UBR2: variants seen among roughly 807,000 people sequenced by gnomAD.
UBR2 encodes the protein E3 ubiquitin-protein ligase UBR2.
A neutral mutation model predicts 247.9 loss-of-function variants in UBR2; 92 were observed. That is an observed-to-expected ratio of 0.37 (90% CI 0.31 to 0.44). UBR2 has a LOEUF of 0.44. UBR2 is among the 20% of genes least tolerant of loss of function. The probability of loss-of-function intolerance (pLI) is 1.00; values close to 1 mark genes in which losing one functional copy is unlikely to be tolerated. For missense variants in UBR2, 1,613 were observed against 2,112.6 expected (o/e 0.76, Z 4.64); for synonymous variants, 672 against 693.5 (o/e 0.97, Z 0.49).
chr6:42,634,686 C>T (rs1299193021), intron 13 of UBR2, among the ~76,000 whole-genome samples: 2 of 152,200 alleles, frequency 1.3e-5, no homozygotes, highest in Non-Finnish European at 2.9e-5. Flanking sequence ...AATTCCTGAC[C>T]TCAAGTGATC....
At chr6:42,634,631 T>C (rs1470539006) in intron 13 of UBR2, among the ~76,000 whole-genome samples, 1 of 152,166 alleles carries the variant, frequency 6.6e-6, no homozygotes, top group East Asian at 1.9e-4. Flanking sequence ...ATTTTTGTAT[T>C]GTTAGTAGAG....
chr6:42,634,085 A>AT (rs1394755345), intron 13 of UBR2, among the ~76,000 whole-genome samples: 2 of 152,072 alleles, frequency 1.3e-5, no homozygotes, highest in Admixed American at 6.5e-5. Context: ...TTACAAGTTT[A>AT]TTTTTTTAAT....
At position 42,573,855 on chromosome 6, in the gene UBR2, A is replaced by G; in HGVS notation, c.200A>G (p.His67Arg). ...FPQKEDMLAQ[H>R]VLLGPMEWYL... The stretch of plus-strand genomic sequence containing the variant: ...CAGAAAGAAGACATGCTGGCACAGC[A>G]TGTTTTGTTGGGACCAATGGAATGG... The change falls in exon 2 of 47, where the codon CAT (histidine) becomes CGT (arginine). Residue 67 changes from histidine to arginine, a missense_variant. Physicochemically the swap from His to Arg is conservative, Grantham distance 29. This residue lies in a region of UBR2 where 1,524 missense variants were observed against 1,967.3 expected (regional missense o/e 0.77). Transcript: ENST00000372901. 1 of 1,614,152 alleles carries G rather than the reference A, an allele frequency of 6.2e-7. No individual in the cohort carries two copies. The highest frequency in any genetic ancestry group is 1.6e-4 in the Middle Eastern group (1 of 6,062).
At chr6:42,627,603 A>T (rs565319062) in intron 11 of UBR2, among the ~76,000 whole-genome samples, 2 of 148,344 alleles carry the variant, frequency 1.3e-5, no homozygotes, top group East Asian at 3.9e-4. Flanking sequence ...ATTCAAGCCA[A>T]CCTCCTGCCT....
In UBR2 at chr6:42,606,656, GTAATT is replaced by G. The variant is rs750136208; in HGVS notation, c.864+9_864+13del. On this transcript the variant is annotated splice_donor_region_variant and intron_variant, in intron 7 of 46. Transcript: ENST00000372901. ...CAAGCAAAATCAGTAATTGTGGTAA[GTAATT>G]TAAAAACATGCTTATATTATTTTTT... 5.4e-5 allele frequency: 86 copies of G among 1,596,262 alleles called. No individual in the cohort carries two copies. The highest frequency in any genetic ancestry group is 7.1e-5 in the Non-Finnish European group (83 of 1,172,798).
Position 42,641,674 on chromosome 6 carries a change from G to C in UBR2, c.2013G>C (p.Gly671=). 1.2e-6 allele frequency: 2 copies of C among 1,609,562 alleles called. No individual in the cohort carries two copies. The highest frequency in any genetic ancestry group is 2.2e-5 in the South Asian group (2 of 90,360). The part of the protein sequence containing the change: ...QVHAGMWRRN[G]FSLVNQIYYY... ...ATGCCGGAATGTGGAGAAGAAATGG[G>C]TTCTCTCTAGTAAACCAGGTAAGTG... The change falls in exon 17 of 47, where the codon GGG becomes GGC. Residue 671 remains glycine, a synonymous_variant. Transcript: ENST00000372901.
intron 13 of UBR2, 115 bp from the exon 14 acceptor site, chr6:42,635,303 A>T (rs542610022): frequency 1.4e-4 from 156 of 1,076,950 alleles, no homozygotes; most frequent in South Asian, 2.2e-4. Context: ...GTTAAAACTT[A>T]TACCTTCTAT....
At chr6:42,634,305 C>A in intron 13 of UBR2, 1 of 410,582 alleles carries the variant, frequency 2.4e-6, no homozygotes, top group Non-Finnish European at 4.7e-6. Context: ...GTATATTTAA[C>A]CAGTTATAAC....
chr6:42,605,469 G>A (rs2151929050), intron 5 of UBR2, among the ~76,000 whole-genome samples: 1 of 152,310 alleles, frequency 6.6e-6, no homozygotes, highest in Admixed American at 6.5e-5. Flanking sequence ...AGTTCTCTGA[G>A]CTCCCAGGCC....
rs911678900 is a variant in UBR2, at chr6:42,689,153, TC to T, written c.5025-414del. Among the ~76,000 whole-genome samples, 3 of 152,248 alleles carry T rather than the reference TC, an allele frequency of 2.0e-5. No homozygotes were observed. Among genetic ancestry groups the T allele is most frequent in the African/African-American group, 7.2e-5 (3 of 41,550 alleles). On this transcript the variant is annotated intron_variant, in intron 45 of 46. Transcript: ENST00000372901. The surrounding 1 kb of genome is among the most constrained non-coding windows in gnomAD (Gnocchi z 4.0). ...GGAGTGTTGTGCACAGGTGAGAGAA[TC>T]CAGGGGCCTGCTGTGTGCTGGTGAC...
chr6:42,637,287 T>G (rs971548218), intron 15 of UBR2, 93 bp downstream of exon 15: 4 of 1,338,160 alleles, frequency 3.0e-6, no homozygotes, highest in Admixed American at 4.5e-5. Context: ...GTGCCAGATG[T>G]TATTCTGTGA....
chr6:42,564,280 C>G lies in UBR2; in HGVS notation c.-40C>G, dbSNP rs765532357. On this transcript the variant is annotated 5_prime_UTR_variant, in exon 1 of 47. Transcript: ENST00000372901. ...CCGGGGCCGAGGTGAGGCTGCAGCTCTCCGGGCGGCGGTAGCGCTGGGGAG... is the reference window on the plus strand; with the variant it reads ...CCGGGGCCGAGGTGAGGCTGCAGCTGTCCGGGCGGCGGTAGCGCTGGGGAG... The G allele has an allele frequency of 1.3e-6, 2 of 1,589,142 alleles. No homozygotes were observed. Among genetic ancestry groups the G allele is most frequent in the Non-Finnish European group, 1.7e-6 (2 of 1,169,320 alleles).
At chr6:42,576,297 G>C (rs1033107792) in intron 2 of UBR2, among the ~76,000 whole-genome samples, 2 of 152,138 alleles carry the variant, frequency 1.3e-5, no homozygotes, top group African/African-American at 4.8e-5. Flanking sequence ...GATCTCTTCT[G>C]TTCCCATCTA....
At chr6:42,641,742 T>C in intron 17 of UBR2, 50 bp downstream of exon 17, 1 of 1,478,172 alleles carries the variant, frequency 6.8e-7, no homozygotes, top group Admixed American at 1.8e-5. Flanking sequence ...TCTTGGCTTC[T>C]GTGAAGGTTG....
intron 42 of UBR2, 23 bp from the exon 43 acceptor site, chr6:42,683,032 T>C (rs748201751): frequency 6.2e-7 from 1 of 1,607,866 alleles, no homozygotes; most frequent in South Asian, 1.1e-5. Context: ...TTTTGTGTTT[T>C]TCCCCCTCTG....
rs1792831173 is a variant in UBR2 at position 42,594,184 on chromosome 6, T to G, written c.418-7T>G. 6.2e-7 allele frequency: 1 copy of G among 1,606,740 alleles called. No homozygotes were observed. The highest frequency in any genetic ancestry group is 1.3e-5 in the African/African-American group (1 of 74,706). ...ATTGACAAGATACTTTACAATTTTT[T>G]TCCAAGATGACAACATCAGGAGGTG... On this transcript the variant is annotated splice_region_variant and splice_polypyrimidine_tract_variant and intron_variant, in intron 3 of 46. Transcript: ENST00000372901.
At chr6:42,673,213 G>A (rs1005832151) in intron 36 of UBR2, among the ~76,000 whole-genome samples, 2 of 152,112 alleles carry the variant, frequency 1.3e-5, no homozygotes, top group African/African-American at 2.4e-5. Context: ...TACATTTTAC[G>A]GAAGAGTATC....
At chr6:42,622,140 C>T (rs928389080) in intron 11 of UBR2, among the ~76,000 whole-genome samples, 3 of 151,968 alleles carry the variant, frequency 2.0e-5, no homozygotes, top group African/African-American at 4.8e-5. Context: ...CTTAGCCTCC[C>T]GAGTAGCTGG....
At chr6:42,633,653 A>T (rs1209795753) in intron 13 of UBR2, among the ~76,000 whole-genome samples, 3 of 149,700 alleles carry the variant, frequency 2.0e-5, no homozygotes, top group Non-Finnish European at 3.0e-5. Flanking sequence ...AACCTCCCAG[A>T]GTGCTGGGAT....
Sources: gnomAD v4.1 joint callset for allele counts (sites outside exome capture counted in the v4.1 genomes callset) on GRCh38, gnomAD v4.1.1 for gene constraint, gnomAD v4.1.1 regional missense constraint, Gnocchi (gnomAD v3.1) non-coding constraint, MANE v1.5 for transcripts, NCBI Gene and HGNC (gene_info 2026-07-23, HGNC 2026-07-21) for gene names.